PLPP4: variants seen among roughly 807,000 people sequenced by gnomAD.
The protein encoded by PLPP4 is diacylglycerol pyrophosphate like 2.
PLPP4 carries 20 observed loss-of-function variants against 32.2 expected under a neutral mutation model. The observed-to-expected ratio is 0.62, with a 90% CI of 0.44 to 0.90. The LOEUF (loss-of-function observed/expected upper bound fraction) is 0.90. Ranked by LOEUF, PLPP4 falls within the 40% of genes least tolerant of loss-of-function variation. The pLI, the probability that PLPP4 is intolerant of heterozygous loss-of-function variation, is 0.00. For missense variants in PLPP4, 257 were observed against 353.1 expected, an observed-to-expected ratio of 0.73 and a Z score of 2.18; for synonymous variants, 127 against 133.0, an observed-to-expected ratio of 0.95 and a Z score of 0.31.
At chr10:120,568,628 C>CT (rs1472934927) in intron 5 of PLPP4, among the ~76,000 whole-genome samples, 1 of 152,190 alleles carries the variant, frequency 6.6e-6, no homozygotes, top group Non-Finnish European at 1.5e-5. Flanking sequence ...AAAATATCAT[C>CT]TTTATTTCAA....
Position 120,558,538 on chromosome 10 carries a change from C to G in PLPP4, c.446-16593C>G, listed in dbSNP as rs112459457. 8.5e-3 allele frequency among the ~76,000 whole-genome samples: 1,285 copies of G among 151,812 alleles called. 23 individuals carry two copies. Among genetic ancestry groups the G allele is most frequent in the African/African-American group, 0.03 (1,233 of 41,388 alleles). ...TCAAGCTATTCTCCTGCCTGAGCCTCCTGAGTAGCTGGGATTACAGGTGCC... is the reference window on the plus strand; with the variant it reads ...TCAAGCTATTCTCCTGCCTGAGCCTGCTGAGTAGCTGGGATTACAGGTGCC... On this transcript the variant is annotated intron_variant, in intron 5 of 6. Transcript: ENST00000398250.
chr10:120,588,715 A>G (rs770743660), intron 6 of PLPP4, among the ~76,000 whole-genome samples: 1 of 152,248 alleles, frequency 6.6e-6, no homozygotes, highest in Non-Finnish European at 1.5e-5. Flanking sequence ...AGAAATACAA[A>G]TCTGAGTTTA....
At chr10:120,553,167 T>G (rs1847988481) in intron 5 of PLPP4, among the ~76,000 whole-genome samples, 1 of 152,308 alleles carries the variant, frequency 6.6e-6, no homozygotes, top group East Asian at 1.9e-4. Flanking sequence ...TTACTCTTTC[T>G]CAGTTACCAT....
rs190607218 is a variant in PLPP4 at position 120,507,954 on chromosome 10, C to A, written c.165+4028C>A. On this transcript the variant is annotated intron_variant, in intron 2 of 6. Transcript: ENST00000398250. The stretch of plus-strand genomic sequence containing the variant: ...AAAGCCTTGAGGAATAGGTAAGACT[C>A]AGTAAGAAGTTTAAGGAATGATAGG... Among the ~76,000 whole-genome samples, 250 of 152,272 alleles carry A rather than the reference C, an allele frequency of 1.6e-3. 1 individual carries two copies. Among genetic ancestry groups the A allele is most frequent in the African/African-American group, 5.7e-3 (239 of 41,568 alleles).
At chr10:120,582,764 TC>T (rs1849569890) in intron 6 of PLPP4, among the ~76,000 whole-genome samples, 1 of 34,416 alleles carries the variant, frequency 2.9e-5, no homozygotes, top group Non-Finnish European at 5.6e-5. Flanking sequence ...CCTCCCTCCC[TC>T]CCTCCCTTCC....
At chr10:120,465,852 G>T (rs1848282340) in intron 1 of PLPP4, among the ~76,000 whole-genome samples, 1 of 152,090 alleles carries the variant, frequency 6.6e-6, no homozygotes, top group Non-Finnish European at 1.5e-5. Flanking sequence ...TGACTTTTTT[G>T]TTGAATGTGT....
intron 5 of PLPP4, among the ~76,000 whole-genome samples, chr10:120,569,972 C>T (rs962509135): frequency 1.3e-5 from 2 of 152,182 alleles, no homozygotes; most frequent in Non-Finnish European, 2.9e-5. Flanking sequence ...AAAGAGAACA[C>T]ATAGTTTCTA....
At chr10:120,487,761 T>A (rs76906720) in intron 1 of PLPP4, among the ~76,000 whole-genome samples, 8,168 of 152,264 alleles carry the variant, frequency 0.054, 266 homozygotes, top group Middle Eastern at 0.15. Context: ...TCCAGTCCAG[T>A]TCCTTAGTGA....
intron 5 of PLPP4, among the ~76,000 whole-genome samples, chr10:120,569,056 T>C (rs1450089391): frequency 6.6e-6 from 1 of 152,088 alleles, no homozygotes; most frequent in Admixed American, 6.5e-5. Context: ...CTAGCCAACA[T>C]GGTGAAACCC....
intron 2 of PLPP4, among the ~76,000 whole-genome samples, chr10:120,509,408 C>T (rs1193980817): frequency 6.6e-6 from 1 of 152,072 alleles, no homozygotes; most frequent in Non-Finnish European, 1.5e-5. Flanking sequence ...GGCTTCCCAG[C>T]CTGTGGAATA....
chr10:120,519,984 G>C (rs1195549011), intron 4 of PLPP4, among the ~76,000 whole-genome samples: 1 of 152,298 alleles, frequency 6.6e-6, no homozygotes, highest in South Asian at 2.1e-4. Flanking sequence ...TGCCACTTAC[G>C]GGATGTGTGT....
intron 5 of PLPP4, among the ~76,000 whole-genome samples, chr10:120,548,219 A>T (rs542194047): frequency 2.5e-4 from 38 of 151,910 alleles, no homozygotes; most frequent in African/African-American, 8.9e-4. Context: ...TTTGATCCTC[A>T]CCCTCCTCCC....
chr10:120,469,533 A>G (rs921855189), intron 1 of PLPP4, among the ~76,000 whole-genome samples: 4 of 152,116 alleles, frequency 2.6e-5, no homozygotes, highest in Admixed American at 1.3e-4. Flanking sequence ...GGCCGCAACT[A>G]TTTGAAGTAT....
Position 120,474,460 on chromosome 10 carries a change from A to G in PLPP4, c.56+17099A>G, listed in dbSNP as rs76693555. Among the ~76,000 whole-genome samples the G allele has an allele frequency of 2.4e-4, 37 of 152,282 alleles. No homozygotes were observed. In the East Asian group the frequency reaches 6.9e-3, roughly 29 times the overall value. ...CCCTGAATTAATGTACATAATACTG[A>G]TGACAGTTATATGGAAGTCCCACAT... is the stretch of plus-strand genomic sequence containing the variant. On this transcript the variant is annotated intron_variant, in intron 1 of 6. Coordinates refer to ENST00000398250, the MANE Select transcript of PLPP4 (RefSeq NM_001030059.3).
At chr10:120,511,395 A>G (rs1845722429) in intron 2 of PLPP4, among the ~76,000 whole-genome samples, 1 of 152,062 alleles carries the variant, frequency 6.6e-6, no homozygotes, top group African/African-American at 2.4e-5. Context: ...AGTCATCCCA[A>G]CTCATACTTT....
intron 5 of PLPP4, among the ~76,000 whole-genome samples, chr10:120,549,622 CA>C (rs1847796995): frequency 1.3e-5 from 2 of 151,864 alleles, no homozygotes; most frequent in African/African-American, 4.8e-5. Flanking sequence ...ACAGAATTCT[CA>C]AATTATCAAG....
At chr10:120,486,582 C>T (rs1377298352) in intron 1 of PLPP4, among the ~76,000 whole-genome samples, 1 of 152,214 alleles carries the variant, frequency 6.6e-6, no homozygotes, top group Non-Finnish European at 1.5e-5. Context: ...ACATAAATGC[C>T]AGCTGTTACA....
At chr10:120,544,142 T>C (rs1005630014) in intron 5 of PLPP4, among the ~76,000 whole-genome samples, 2 of 152,206 alleles carry the variant, frequency 1.3e-5, no homozygotes, top group Admixed American at 6.5e-5. Flanking sequence ...AGAGGTGGAA[T>C]TGCTGGATCA....
At position 120,535,038 on chromosome 10, in the gene PLPP4, G is replaced by T. The variant is rs377457458; in HGVS notation, c.445+13943G>T. 2.6e-5 allele frequency among the ~76,000 whole-genome samples: 4 copies of T among 151,966 alleles called. No individual in the cohort carries two copies. The East Asian group carries it at 5.8e-4, about 22-fold the overall frequency. Reference sequence around the variant, plus strand: ...CATGTCTCATTTTTTTGTTGTTGTTGGAGACCAGCGAATTTAGGTAATAGA... The same window carrying T: ...CATGTCTCATTTTTTTGTTGTTGTTTGAGACCAGCGAATTTAGGTAATAGA... On this transcript the variant is annotated intron_variant, in intron 5 of 6. Transcript: ENST00000398250.
Sources: gnomAD v4.1 joint callset for allele counts (sites outside exome capture counted in the v4.1 genomes callset) on GRCh38, gnomAD v4.1.1 for gene constraint, MANE v1.5 for transcripts, NCBI Gene and HGNC (gene_info 2026-07-23, HGNC 2026-07-21) for gene names.